The following PTPRZ1 variants were observed in gnomAD, a reference collection of about 807,000 sequenced individuals.
PTPRZ1 encodes receptor-type tyrosine-protein phosphatase zeta.
Under a neutral mutation model 214.1 loss-of-function variants are expected in PTPRZ1, and 82 were observed. The ratio of observed to expected loss-of-function variants is 0.38; its 90% CI spans 0.32 to 0.46. The LOEUF is 0.46. Among genes scored for constraint, PTPRZ1 ranks in the 20% least tolerant of loss-of-function variants. The pLI, the probability that PTPRZ1 is intolerant of heterozygous loss-of-function variation, is 1.00. For missense variants in PTPRZ1, 2,603 were observed against 2,748.7 expected (o/e 0.95, Z 1.19); for synonymous variants, 945 against 987.9 (o/e 0.96, Z 0.81).
rs1366077911 is a variant in PTPRZ1 at position 122,061,216 on chromosome 7, T to C, written c.6944T>C (p.Val2315Ala). Reference sequence around the variant, plus strand: ...ATAGCTGAGAGCTTAGAGTCTTTAGTTTAACACAGAAAGGGGTGGGGGAAC... The same window carrying C: ...ATAGCTGAGAGCTTAGAGTCTTTAGCTTAACACAGAAAGGGGTGGGGGAAC... The part of the protein sequence containing the change: ...GNIAESLESL[V>A] Residue 2315 changes from valine (V) to alanine (A), a missense_variant, in exon 30 of 30, where the codon GTT (valine) becomes GCT (alanine). This residue lies in a region of PTPRZ1 where 165 missense variants were observed against 151.4 expected (regional missense o/e 1.09). Coordinates refer to ENST00000393386, the MANE Select transcript of PTPRZ1 (RefSeq NM_002851.3). 3.1e-6 allele frequency: 5 copies of C among 1,589,928 alleles called. No homozygotes were observed. The South Asian group carries it at 4.6e-5, about 15-fold the overall frequency.
chr7:121,887,180 T>A (rs1009865259), intron 1 of PTPRZ1, among the ~76,000 whole-genome samples: 5 of 152,174 alleles, frequency 3.3e-5, no homozygotes, highest in Middle Eastern at 3.2e-3. Flanking sequence ...GAGTCTGGTC[T>A]CCTCATGGGA....
chr7:121,970,690 T>G (rs1489453794), intron 3 of PTPRZ1, among the ~76,000 whole-genome samples: 1 of 152,216 alleles, frequency 6.6e-6, no homozygotes, highest in Admixed American at 6.5e-5. Context: ...TCTTTCTAGA[T>G]TCTGGATATT....
chr7:121,887,054 C>T (rs1794417914), intron 1 of PTPRZ1, among the ~76,000 whole-genome samples: 1 of 93,742 alleles, frequency 1.1e-5, no homozygotes, highest in South Asian at 4.0e-4. Context: ...TTGTCTTTTA[C>T]TTTGTCTGTG....
chr7:122,011,700 C>T lies in PTPRZ1; in HGVS notation c.2654C>T (p.Ala885Val). ...TCTGATGTGCTGTCCACTACTCATG[C>T]TGCTTCAGAGACGCTGGAATTTGGT... ...QYSDVLSTTH[A>V]ASETLEFGSE... Residue 885 changes from alanine to valine, a missense_variant, in exon 12 of 30, where the codon GCT becomes GTT. This residue lies in a region of PTPRZ1 where 1,913 missense variants were observed against 1,914.3 expected (regional missense o/e 1.00). Transcript: ENST00000393386. 6.2e-7 allele frequency: 1 copy of T among 1,614,134 alleles called. No individual in the cohort carries two copies. Among genetic ancestry groups the T allele is most frequent in the South Asian group, 1.1e-5 (1 of 91,078 alleles).
chr7:122,060,831 T>G (rs1174902884), intron 29 of PTPRZ1, among the ~76,000 whole-genome samples: 6 of 152,174 alleles, frequency 3.9e-5, no homozygotes, highest in Non-Finnish European at 8.8e-5. Context: ...TGAATAAGAA[T>G]TAAGTACTTA....
Position 122,044,567 on chromosome 7 carries a change from A to T in PTPRZ1, c.6083A>T (p.Gln2028Leu), listed in dbSNP as rs1431885971. The T allele has an allele frequency of 6.2e-7, 1 of 1,613,288 alleles. No individual in the cohort carries two copies. The highest frequency in any genetic ancestry group is 2.2e-5 in the East Asian group (1 of 44,822). ...AGKTKLEKQF[Q>L]LLSQSNIQQS... ...AAAACAAAGCTAGAGAAACAATTCC[A>T]GGTGAGTCCTCTTGGAAGCCTCTTG... The change falls in exon 23 of 30, where the codon CAG (glutamine) becomes CTG (leucine). Residue 2028 changes from glutamine (Q) to leucine (L), a missense_variant and splice_region_variant. Physicochemically the swap from Gln to Leu is moderately radical, Grantham distance 113. Coordinates refer to ENST00000393386, the MANE Select transcript of PTPRZ1 (RefSeq NM_002851.3).
chr7:121,916,697 G>T (rs181473004), intron 1 of PTPRZ1, among the ~76,000 whole-genome samples: 16 of 152,300 alleles, frequency 1.1e-4, no homozygotes, highest in African/African-American at 3.8e-4. Context: ...ATCTGCCACT[G>T]CAGAGTACAT....
Position 121,935,543 on chromosome 7 carries a change from TTTTTGTTTG to T in PTPRZ1, c.124+7326_124+7334del, listed in dbSNP as rs201801308. Among the ~76,000 whole-genome samples, 511 of 93,112 alleles carry T rather than the reference TTTTTGTTTG, an allele frequency of 5.5e-3. 20 individuals carry two copies. The East Asian group carries it at 0.11, about 20-fold the overall frequency. The allele number at this position is 93,112 out of a possible 152,430, so 61.1% of individuals were successfully genotyped here. On this transcript the variant is annotated intron_variant, in intron 2 of 29. Coordinates refer to ENST00000393386, the MANE Select transcript of PTPRZ1 (RefSeq NM_002851.3). The stretch of plus-strand genomic sequence containing the variant: ...TTTTTGTTTTTGTTTTTTGGGGTTT[TTTTTGTTTG>T]TTTGTTTGTTTGTTTGTTTGTTTGT...
chr7:121,904,027 A>G (rs1377672309), intron 1 of PTPRZ1, among the ~76,000 whole-genome samples: 2 of 150,312 alleles, frequency 1.3e-5, no homozygotes, highest in Non-Finnish European at 3.0e-5. Context: ...CGATAATAAA[A>G]TTTGAACAAA....
intron 8 of PTPRZ1, among the ~76,000 whole-genome samples, chr7:121,989,723 G>A (rs1797890167): frequency 6.6e-6 from 1 of 152,076 alleles, no homozygotes. Context: ...CTGAATTTGA[G>A]AATAAGAATT....
At chr7:122,053,854 C>T in intron 25 of PTPRZ1, 56 bp from the exon 26 acceptor site, 2 of 1,592,264 alleles carry the variant, frequency 1.3e-6, no homozygotes, top group Admixed American at 1.7e-5. Flanking sequence ...AAATGCTTAT[C>T]TGAATGTTTA....
chr7:121,921,055 A>T (rs984351198), intron 1 of PTPRZ1, among the ~76,000 whole-genome samples: 2 of 152,194 alleles, frequency 1.3e-5, no homozygotes, highest in South Asian at 2.1e-4. Flanking sequence ...GTGATTTTTA[A>T]AGTATTTTTG....
At chr7:121,946,230 G>A (rs1359509327) in intron 2 of PTPRZ1, among the ~76,000 whole-genome samples, 2 of 152,196 alleles carry the variant, frequency 1.3e-5, no homozygotes, top group East Asian at 3.8e-4. Flanking sequence ...ACTATATAGA[G>A]CCACTGTTTG....
chr7:122,029,157 G>T (rs953239323), intron 14 of PTPRZ1, among the ~76,000 whole-genome samples: 2 of 151,548 alleles, frequency 1.3e-5, no homozygotes, highest in Non-Finnish European at 2.9e-5. Flanking sequence ...GTAATAGCAG[G>T]AAAAGCCATG....
rs182350940 is a variant in PTPRZ1 at position 122,059,349 on chromosome 7, C to T, written c.6672-404C>T. On this transcript the variant is annotated intron_variant, in intron 28 of 29. Transcript: ENST00000393386. ...CCAATAAATCTTCCTAGGATTCCAT[C>T]ATAGACAAATAAAAAATGCATATGC... 2.9e-4 allele frequency: 48 copies of T among 162,834 alleles called. 1 individual carries two copies. Among genetic ancestry groups the T allele is most frequent in the Admixed American group, 2.9e-3 (46 of 15,836 alleles). 10.1% of individuals were successfully genotyped at this position (162,834 alleles called of 1,614,324 possible). A position where few individuals can be genotyped will look rare whatever the true frequency, so the allele number is the denominator to read the frequency against.
At chr7:121,921,501 A>G (rs1795595555) in intron 1 of PTPRZ1, among the ~76,000 whole-genome samples, 1 of 152,138 alleles carries the variant, frequency 6.6e-6, no homozygotes, top group South Asian at 2.1e-4. Context: ...GAATGATTTT[A>G]CCATTTTGAT....
At chr7:122,044,603 C>T (rs1282704205) in intron 23 of PTPRZ1, 35 bp downstream of exon 23, 1 of 1,603,476 alleles carries the variant, frequency 6.2e-7, no homozygotes, top group Non-Finnish European at 8.5e-7. Context: ...GATGTCACTA[C>T]AGAACTGAAT....
At chr7:121,926,323 C>T (rs1026783815) in intron 1 of PTPRZ1, among the ~76,000 whole-genome samples, 5 of 137,956 alleles carry the variant, frequency 3.6e-5, no homozygotes, top group African/African-American at 5.6e-5. Context: ...AAAAGGATTA[C>T]AATTACAATA....
At chr7:121,893,917 A>T (rs1406630931) in intron 1 of PTPRZ1, among the ~76,000 whole-genome samples, 1 of 152,090 alleles carries the variant, frequency 6.6e-6, no homozygotes, top group Non-Finnish European at 1.5e-5. Flanking sequence ...ATCCTCCTTC[A>T]GGGATATGAC....
Sources: allele counts gnomAD v4.1 joint callset (sites outside exome capture counted in the v4.1 genomes callset), GRCh38; gene constraint gnomAD v4.1.1; regional missense constraint gnomAD v4.1.1; transcripts MANE v1.5; gene names NCBI Gene and HGNC (gene_info 2026-07-23, HGNC 2026-07-21).